Variants in BBS2 observed in about 807,000 individuals in gnomAD.
BBS2 encodes BBSome complex member BBS2.
BBS2 carries 62 observed loss-of-function variants against 83.0 expected under a neutral mutation model. That is an observed-to-expected ratio of 0.75 (90% CI 0.61 to 0.92). The LOEUF (loss-of-function observed/expected upper bound fraction) is 0.92. Among genes scored for constraint, BBS2 ranks in the 40% least tolerant of loss-of-function variants. The probability of loss-of-function intolerance (pLI) is 0.00; values close to 1 mark genes in which losing one functional copy is unlikely to be tolerated. For missense variants in BBS2, 784 were observed against 901.0 expected (o/e 0.87, Z 1.66); for synonymous variants, 303 against 326.1 (o/e 0.93, Z 0.76).
At chr16:56,471,480 T>TA (rs1268152343) in intron 17 of BBS2, among the ~76,000 whole-genome samples, 1 of 152,200 alleles carries the variant, frequency 6.6e-6, no homozygotes, top group Non-Finnish European at 1.5e-5. Flanking sequence ...CCTAAGAATT[T>TA]AAGAGGTAAC....
At position 56,511,341 on chromosome 16, in the gene BBS2, T is replaced by C. The variant is rs1465983405; in HGVS notation, c.346-57A>G. On this transcript the variant is annotated intron_variant, in intron 2 of 16. Coordinates refer to ENST00000245157, the MANE Select transcript of BBS2 (RefSeq NM_031885.5). Reference sequence around the variant, plus strand: ...ACACGATAATATGCAGGCCCACATATTAATTGGGCCAAATTTTGAGTAAAC... The same window carrying C: ...ACACGATAATATGCAGGCCCACATACTAATTGGGCCAAATTTTGAGTAAAC... 4 of 1,607,446 alleles carry C rather than the reference T, an allele frequency of 2.5e-6. No homozygotes were observed. The East Asian group carries it at 6.7e-5, about 27-fold the overall frequency.
chr16:56,509,748 A>G (rs1597023317), intron 5 of BBS2: 2 of 532,678 alleles, frequency 3.8e-6, no homozygotes, highest in Non-Finnish European at 3.4e-6. Flanking sequence ...ATTTTTCTCT[A>G]TTTAATCAGT....
chr16:56,513,885 A>C (rs1349153067), intron 2 of BBS2, among the ~76,000 whole-genome samples: 1 of 152,218 alleles, frequency 6.6e-6, no homozygotes, highest in East Asian at 1.9e-4. Context: ...AAAACAAGTA[A>C]AAGGCTACAT....
At chr16:56,470,812 G>C (rs13337155) in intron 17 of BBS2, 351,694 of 1,544,364 alleles carry the variant, frequency 0.23, 42,090 homozygotes, top group South Asian at 0.25. Context: ...GTTAGGATTT[G>C]TCCTTACTTA....
Position 56,486,681 on chromosome 16 carries a change from T to TGGTTTCCAGGAACTG in BBS2, c.1911-958_1911-944dup, listed in dbSNP as rs553670318. Among the ~76,000 whole-genome samples, 167 of 150,902 alleles carry TGGTTTCCAGGAACTG rather than the reference T, an allele frequency of 1.1e-3. 1 individual carries two copies. Among genetic ancestry groups the TGGTTTCCAGGAACTG allele is most frequent in the African/African-American group, 3.5e-3 (142 of 41,068 alleles). On this transcript the variant is annotated intron_variant, in intron 15 of 16. Coordinates refer to ENST00000245157, the MANE Select transcript of BBS2 (RefSeq NM_031885.5). ...ACTACAGGAAAAGAAATAAGATGAG[T>TGGTTTCCAGGAACTG]GGTTTCCAGGAACTGGAGGTTAGAA... is the stretch of plus-strand genomic sequence containing the variant.
At chr16:56,519,327 T>C in intron 1 of BBS2, among the ~76,000 whole-genome samples, 1 of 122,176 alleles carries the variant, frequency 8.2e-6, no homozygotes. Flanking sequence ...CAAGACTCCG[T>C]CTCAAAAAAA....
chr16:56,519,080 T>C (rs534462747), intron 1 of BBS2, among the ~76,000 whole-genome samples: 1 of 152,186 alleles, frequency 6.6e-6, no homozygotes, highest in East Asian at 1.9e-4. Context: ...CCTGTAATCC[T>C]AGTACTTTGG....
chr16:56,513,564 T>C (rs184224620), intron 2 of BBS2, among the ~76,000 whole-genome samples: 4 of 152,306 alleles, frequency 2.6e-5, no homozygotes, highest in South Asian at 4.1e-4. Context: ...CTTGAAAATA[T>C]CATGCTAAGA....
intron 3 of BBS2, 104 bp downstream of exon 3, chr16:56,511,055 C>T: frequency 6.3e-7 from 1 of 1,576,372 alleles, no homozygotes; most frequent in Non-Finnish European, 8.7e-7. Flanking sequence ...TTTTTTAATG[C>T]ACAGAATTAT....
chr16:56,499,898 A>G lies in BBS2; in HGVS notation c.1407T>C (p.Phe469=), dbSNP rs1374494766. ...GCTGTCTTGTCGATTCAAATACATG[A>G]AACTGGGTGCTATGGCCAATCAATG... is the stretch of plus-strand genomic sequence containing the variant. ...AFVGYRSSTQ[F]HVFESTRQLP... Residue 469 remains phenylalanine, a synonymous_variant, in exon 12 of 17, where the codon TTT becomes TTC. Coordinates refer to ENST00000245157, the MANE Select transcript of BBS2 (RefSeq NM_031885.5). 6.2e-7 allele frequency: 1 copy of G among 1,614,090 alleles called. No individual in the cohort carries two copies. The highest frequency in any genetic ancestry group is 1.1e-5 in the South Asian group (1 of 91,076).
At chr16:56,473,298 A>G (rs1480036073) in intron 17 of BBS2, among the ~76,000 whole-genome samples, 1 of 152,216 alleles carries the variant, frequency 6.6e-6, no homozygotes, top group East Asian at 1.9e-4. Context: ...TCAAGAATGT[A>G]TGCCACAATT....
intron 1 of BBS2, among the ~76,000 whole-genome samples, chr16:56,517,390 A>G (rs1263468552): frequency 1.3e-5 from 2 of 152,148 alleles, no homozygotes; most frequent in East Asian, 1.9e-4. Flanking sequence ...CACACCATGC[A>G]TATCTCCAGC....
intron 5 of BBS2, among the ~76,000 whole-genome samples, chr16:56,507,208 G>A (rs1475495057): frequency 2.0e-5 from 3 of 152,164 alleles, no homozygotes; most frequent in African/African-American, 7.2e-5. Flanking sequence ...ACCTAACAAA[G>A]AGAACAGGAA....
chr16:56,488,595 G>C (rs947646963), intron 15 of BBS2, among the ~76,000 whole-genome samples: 2 of 152,056 alleles, frequency 1.3e-5, no homozygotes, highest in African/African-American at 4.8e-5. Context: ...AACTCTGTGT[G>C]TTCAGATGTC....
chr16:56,490,985 T>C (rs1187518362), intron 15 of BBS2, among the ~76,000 whole-genome samples: 1 of 151,974 alleles, frequency 6.6e-6, no homozygotes, highest in Admixed American at 6.6e-5. Flanking sequence ...ACGGTCTCGA[T>C]CTCCTGGCCT....
intron 5 of BBS2, among the ~76,000 whole-genome samples, chr16:56,508,950 A>G (rs1233805363): frequency 6.6e-6 from 1 of 152,164 alleles, no homozygotes; most frequent in Non-Finnish European, 1.5e-5. Context: ...CACCAGGCCT[A>G]AACATCAGGC....
At chr16:56,480,577 G>C (rs1963646772), downstream of BBS2, among the ~76,000 whole-genome samples, 1 of 152,044 alleles carries the variant, frequency 6.6e-6, no homozygotes, top group African/African-American at 2.4e-5. Flanking sequence ...TTTTAGTAGA[G>C]ATGGGATTTC....
chr16:56,475,941 A>G lies in BBS2; in HGVS notation c.*1-5246T>C, dbSNP rs150658538. 4,017 of 1,067,168 alleles carry G rather than the reference A, an allele frequency of 3.8e-3. 17 individuals carry two copies. Among genetic ancestry groups the G allele is most frequent in the Non-Finnish European group, 5.0e-3 (3,687 of 734,780 alleles). The allele number at this position is 1,067,168 out of a possible 1,614,324, so 66.1% of individuals were successfully genotyped here. A position where few individuals can be genotyped will look rare whatever the true frequency, so the allele number is the denominator to read the frequency against. On this transcript the variant is annotated intron_variant, in intron 17 of 17. Transcript: ENST00000682047. Reference sequence around the variant, plus strand: ...TCATTCAGAGGACCCCTCTATCCCCAGATTAAGTGCTTGATATGGAAACCA... The same window carrying G: ...TCATTCAGAGGACCCCTCTATCCCCGGATTAAGTGCTTGATATGGAAACCA...
At chr16:56,494,647 C>A (rs1399417524) in intron 15 of BBS2, among the ~76,000 whole-genome samples, 2 of 152,238 alleles carry the variant, frequency 1.3e-5, no homozygotes, top group Middle Eastern at 3.4e-3. Context: ...AAGAGACTTC[C>A]ATTGCCCACA....
Sources: gnomAD v4.1 joint callset for allele counts (sites outside exome capture counted in the v4.1 genomes callset) on GRCh38, gnomAD v4.1.1 for gene constraint, MANE v1.5 for transcripts, NCBI Gene and HGNC (gene_info 2026-07-23, HGNC 2026-07-21) for gene names.